PAX5: variants seen among roughly 807,000 people sequenced by gnomAD.
PAX5 encodes the protein paired box 5, also known as paired box protein Pax-5.
In PAX5, 9 loss-of-function variants were observed where a neutral mutation model predicts 43.7. That is an observed-to-expected ratio of 0.21 (90% CI 0.12 to 0.36). The LOEUF (loss-of-function observed/expected upper bound fraction) is 0.36. PAX5 is among the 10% of genes least tolerant of loss of function. The pLI is 1.00. For missense variants in PAX5, 383 were observed against 532.7 expected, an observed-to-expected ratio of 0.72 and a Z score of 2.77; for synonymous variants, 228 against 214.3, an observed-to-expected ratio of 1.06 and a Z score of -0.56.
intron 7 of PAX5, 120 bp downstream of exon 7, chr9:36,923,235 C>A: frequency 7.7e-7 from 1 of 1,302,800 alleles, no homozygotes; most frequent in Non-Finnish European, 1.1e-6. Context: ...GGCCTCATAA[C>A]CTTGTTAAAA....
At chr9:36,916,496 A>G (rs754527746) in intron 7 of PAX5, among the ~76,000 whole-genome samples, 7 of 152,200 alleles carry the variant, frequency 4.6e-5, no homozygotes, top group Non-Finnish European at 1.0e-4. Flanking sequence ...GATAGAAATT[A>G]TTTTGAATTA....
chr9:36,937,256 GGTAA>G (rs931729009), intron 6 of PAX5, among the ~76,000 whole-genome samples: 5 of 152,080 alleles, frequency 3.3e-5, no homozygotes, highest in Non-Finnish European at 7.4e-5. Flanking sequence ...AACCCTACAG[GGTAA>G]GTATTACTAC....
rs1162455294 is a variant in PAX5 at position 36,833,624 on chromosome 9, T to C, written c.*6936A>G. On this transcript the variant is annotated 3_prime_UTR_variant, in exon 10 of 10. Coordinates refer to ENST00000358127, the MANE Select transcript of PAX5 (RefSeq NM_016734.3). ...CCAAAAAAGAAAAATATGTCCAACA[T>C]CTTTGGCAAATTGGCACTGCTGTAA... 4.3e-6 allele frequency: 1 copy of C among 230,574 alleles called. No homozygotes were observed. Among genetic ancestry groups the C allele is most frequent in the African/African-American group, 2.2e-5 (1 of 45,090 alleles). The allele number at this position is 230,574 out of a possible 1,614,324, so 14.3% of individuals were successfully genotyped here.
At chr9:36,979,394 T>C (rs1042035178) in intron 5 of PAX5, among the ~76,000 whole-genome samples, 3 of 152,234 alleles carry the variant, frequency 2.0e-5, no homozygotes, top group African/African-American at 7.2e-5. Context: ...TGTAGTTAAA[T>C]TGACGTGTTT....
intron 6 of PAX5, among the ~76,000 whole-genome samples, chr9:36,959,126 G>T (rs1833745651): frequency 1.3e-5 from 2 of 152,172 alleles, no homozygotes; most frequent in Non-Finnish European, 2.9e-5. Context: ...GCCCTTCAGT[G>T]CCCCTTCCGG....
chr9:37,032,523 G>T (rs1841082003), intron 1 of PAX5, among the ~76,000 whole-genome samples: 1 of 152,216 alleles, frequency 6.6e-6, no homozygotes, highest in African/African-American at 2.4e-5. Context: ...TTCTGCCTCA[G>T]ATCTCTGCCC....
intron 1 of PAX5, among the ~76,000 whole-genome samples, chr9:37,024,396 G>T (rs992387198): frequency 2.6e-5 from 4 of 152,148 alleles, no homozygotes; most frequent in Admixed American, 1.3e-4. Flanking sequence ...GGCAGGGAGC[G>T]GTAACAGGAA....
intron 7 of PAX5, among the ~76,000 whole-genome samples, chr9:36,883,995 T>TA (rs113923351): frequency 0.011 from 1,710 of 151,572 alleles, 34 homozygotes; most frequent in African/African-American, 0.039. Context: ...AGAAAAAGTT[T>TA]AAAAAAAAAT....
intron 8 of PAX5, among the ~76,000 whole-genome samples, chr9:36,848,115 C>T (rs1822767519): frequency 6.6e-6 from 1 of 152,118 alleles, no homozygotes; most frequent in Non-Finnish European, 1.5e-5. Flanking sequence ...CCTGCCTCCA[C>T]GATCCCCTAC....
intron 8 of PAX5, among the ~76,000 whole-genome samples, chr9:36,863,241 C>CT (rs201858129): frequency 0.012 from 1,823 of 152,264 alleles, 24 homozygotes; most frequent in Non-Finnish European, 0.017. Flanking sequence ...CGCCTGGGTT[C>CT]TTTTTTTCAA....
chr9:37,004,262 G>A (rs1838194890), intron 4 of PAX5, among the ~76,000 whole-genome samples: 1 of 152,192 alleles, frequency 6.6e-6, no homozygotes, highest in Admixed American at 6.5e-5. Context: ...TTAACTTCTG[G>A]CCCCAGATTC....
At chr9:36,906,543 C>T (rs1828837507) in intron 7 of PAX5, among the ~76,000 whole-genome samples, 1 of 152,218 alleles carries the variant, frequency 6.6e-6, no homozygotes, top group Non-Finnish European at 1.5e-5. Flanking sequence ...GGACTTCTGA[C>T]CTCCAGAACT....
intron 8 of PAX5, among the ~76,000 whole-genome samples, chr9:36,874,664 C>T (rs1825760699): frequency 6.6e-6 from 1 of 152,186 alleles, no homozygotes; most frequent in South Asian, 2.1e-4. Context: ...TTTCTGCAGA[C>T]CCACTGTATT....
chr9:36,897,252 A>T (rs1329567526), intron 7 of PAX5, among the ~76,000 whole-genome samples: 3 of 152,184 alleles, frequency 2.0e-5, no homozygotes, highest in African/African-American at 7.2e-5. Context: ...AGCAGAGGAC[A>T]TGCGACTGTG....
intron 8 of PAX5, among the ~76,000 whole-genome samples, chr9:36,871,095 C>T (rs1045583388): frequency 6.6e-6 from 1 of 152,202 alleles, no homozygotes; most frequent in Non-Finnish European, 1.5e-5. Context: ...TCTTGACAGG[C>T]CTTTTGGCAA....
At chr9:36,877,055 G>T (rs1042132690) in intron 8 of PAX5, among the ~76,000 whole-genome samples, 3 of 152,240 alleles carry the variant, frequency 2.0e-5, no homozygotes, top group Admixed American at 2.0e-4. Context: ...ATGAAGTGGT[G>T]GCCGGGCACA....
At chr9:37,017,784 C>T (rs1432367428) in intron 2 of PAX5, among the ~76,000 whole-genome samples, 1 of 152,236 alleles carries the variant, frequency 6.6e-6, no homozygotes, top group South Asian at 2.1e-4. Flanking sequence ...GCGGCCTTGA[C>T]ATGAGAGGTC....
At chr9:36,944,329 A>AT (rs1025857953) in intron 6 of PAX5, among the ~76,000 whole-genome samples, 4 of 152,070 alleles carry the variant, frequency 2.6e-5, no homozygotes, top group Non-Finnish European at 5.9e-5. Context: ...CATTATCCCC[A>AT]TTTTTTAGAT....
intron 5 of PAX5, among the ~76,000 whole-genome samples, chr9:36,986,718 C>T (rs555135804): frequency 6.6e-6 from 1 of 152,134 alleles, no homozygotes; most frequent in Non-Finnish European, 1.5e-5. Context: ...ACCGCGGGGC[C>T]GAGGAGGAAG....
Sources: allele counts gnomAD v4.1 joint callset (sites outside exome capture counted in the v4.1 genomes callset), GRCh38; gene constraint gnomAD v4.1.1; transcripts MANE v1.5; gene names NCBI Gene and HGNC (gene_info 2026-07-23, HGNC 2026-07-21).